Variants in CCDC7 observed in about 807,000 individuals in gnomAD.
CCDC7 encodes the protein coiled-coil domain-containing protein 7.
CCDC7 carries 183 observed loss-of-function variants against 196.9 expected under a neutral mutation model. The ratio of observed to expected loss-of-function variants is 0.93; its 90% CI spans 0.82 to 1.05. CCDC7 has a LOEUF of 1.05. CCDC7 is among the 50% of genes least tolerant of loss of function. The pLI, the probability that CCDC7 is intolerant of heterozygous loss-of-function variation, is 0.00. For synonymous variants in CCDC7, 525 were observed against 484.6 expected, an observed-to-expected ratio of 1.08 and a Z score of -1.10; for missense variants, 1,540 against 1,482.2, an observed-to-expected ratio of 1.04 and a Z score of -0.64.
chr10:32,610,594 C>T (rs1344961493), intron 18 of CCDC7, among the ~76,000 whole-genome samples: 1 of 152,064 alleles, frequency 6.6e-6, no homozygotes, highest in Non-Finnish European at 1.5e-5. Flanking sequence ...CACAACAGGC[C>T]CTGGTTTGTG....
intron 16 of CCDC7, among the ~76,000 whole-genome samples, chr10:32,576,927 T>C (rs996505304): frequency 2.3e-4 from 35 of 152,306 alleles, no homozygotes; most frequent in South Asian, 6.2e-4. Context: ...ACATTCTTAA[T>C]TGGCTTTTTC....
At chr10:32,446,958 C>A (rs1009026285), upstream of CCDC7, among the ~76,000 whole-genome samples, 4 of 142,216 alleles carry the variant, frequency 2.8e-5, no homozygotes, top group Non-Finnish European at 4.7e-5. Context: ...TCCCTCCCTC[C>A]CTCCCTCCCT....
intron 7 of CCDC7, among the ~76,000 whole-genome samples, chr10:32,472,762 AT>A (rs533223630): frequency 1.5e-3 from 216 of 144,350 alleles, no homozygotes; most frequent in East Asian, 0.011. Context: ...AGGCCAGCTG[AT>A]TTTTTTTTTT....
chr10:32,720,679 G>A (rs1438845536), intron 25 of CCDC7, among the ~76,000 whole-genome samples: 1 of 152,088 alleles, frequency 6.6e-6, no homozygotes, highest in African/African-American at 2.4e-5. Flanking sequence ...GCTGTTTGTG[G>A]CATTCAGTGC....
chr10:32,578,275 A>C (rs1254722258), intron 16 of CCDC7, among the ~76,000 whole-genome samples: 1 of 152,070 alleles, frequency 6.6e-6, no homozygotes, highest in East Asian at 1.9e-4. Context: ...TTAAAGCAGC[A>C]GTTTCCTGCC....
At chr10:32,816,955 C>T (rs1275400023) in intron 31 of CCDC7, among the ~76,000 whole-genome samples, 2 of 152,144 alleles carry the variant, frequency 1.3e-5, no homozygotes, top group African/African-American at 4.8e-5. Context: ...GAAAGCAGCT[C>T]CTCACAAGCA....
intron 28 of CCDC7, 36 bp from the exon 30 acceptor site, chr10:32,778,941 T>A: frequency 2.0e-6 from 3 of 1,487,020 alleles, no homozygotes; most frequent in Non-Finnish European, 2.7e-6. Context: ...GTTAGTTTTT[T>A]AAATCAACTA....
At chr10:32,756,604 A>T (rs1046154636) in intron 28 of CCDC7, among the ~76,000 whole-genome samples, 7 of 152,264 alleles carry the variant, frequency 4.6e-5, no homozygotes, top group Non-Finnish European at 8.8e-5. Context: ...TGAAGGAAGC[A>T]CTAAACATGG....
chr10:32,506,025 T>G (rs1244183512), intron 9 of CCDC7, among the ~76,000 whole-genome samples: 11 of 108,044 alleles, frequency 1.0e-4, no homozygotes, highest in South Asian at 7.1e-4. Flanking sequence ...TCACTTCCCA[T>G]TTGGGGCGGC....
At chr10:32,799,351 C>A (rs530574263) in intron 29 of CCDC7, among the ~76,000 whole-genome samples, 1 of 152,190 alleles carries the variant, frequency 6.6e-6, no homozygotes, top group Non-Finnish European at 1.5e-5. Context: ...TGACACTTCA[C>A]GCACCATTGG....
intron 41 of CCDC7, among the ~76,000 whole-genome samples, chr10:32,875,076 A>G (rs1339476376): frequency 1.3e-5 from 2 of 151,810 alleles, no homozygotes; most frequent in East Asian, 1.9e-4. Context: ...ATGTTTTTGT[A>G]TGTTTCATCA....
intron 24 of CCDC7, among the ~76,000 whole-genome samples, chr10:32,708,416 A>G (rs2080193464): frequency 6.6e-6 from 1 of 152,132 alleles, no homozygotes; most frequent in African/African-American, 2.4e-5. Flanking sequence ...CATGGACAAA[A>G]ACTTCATGAC....
At chr10:32,839,854 T>TA (rs2092857518) in intron 33 of CCDC7, among the ~76,000 whole-genome samples, 1 of 152,000 alleles carries the variant, frequency 6.6e-6, no homozygotes, top group Non-Finnish European at 1.5e-5. Context: ...AAAGGAACCC[T>TA]AAAAATCATG....
chr10:32,454,520 C>G (rs1403595773), intron 2 of CCDC7, among the ~76,000 whole-genome samples: 1 of 151,610 alleles, frequency 6.6e-6, no homozygotes, highest in Non-Finnish European at 1.5e-5. Flanking sequence ...CTCAGCATCA[C>G]GCAGTATATC....
intron 18 of CCDC7, among the ~76,000 whole-genome samples, chr10:32,601,979 C>G (rs900927269): frequency 6.6e-6 from 1 of 152,140 alleles, no homozygotes; most frequent in African/African-American, 2.4e-5. Context: ...AAGCTGGCCA[C>G]CCGAGCCAGC....
At position 32,778,549 on chromosome 10, in the gene CCDC7, T is replaced by C. The variant is rs530814138; in HGVS notation, c.2906-428T>C. On this transcript the variant is annotated intron_variant, in intron 28 of 41. Coordinates refer to ENST00000639629, the Ensembl canonical transcript of CCDC7. ...GTTCAGTTGGTCTATGTGTCTGTTT[T>C]TGTACCAGTACAATGCTGTTTTGGT... is the stretch of plus-strand genomic sequence containing the variant. 5.3e-5 allele frequency among the ~76,000 whole-genome samples: 8 copies of C among 152,362 alleles called. No homozygotes were observed. The South Asian group carries it at 1.7e-3, about 32-fold the overall frequency.
At chr10:32,869,717 A>T (rs2094351916) in intron 41 of CCDC7, among the ~76,000 whole-genome samples, 1 of 152,090 alleles carries the variant, frequency 6.6e-6, no homozygotes, top group South Asian at 2.1e-4. Context: ...TTAGGTCTTT[A>T]ATCCATCTTG....
chr10:32,639,729 G>A (rs554910846), intron 20 of CCDC7, among the ~76,000 whole-genome samples: 11 of 150,414 alleles, frequency 7.3e-5, no homozygotes, highest in Non-Finnish European at 1.5e-4. Flanking sequence ...CTGGCTTCAC[G>A]CCATTCTCCT....
At chr10:32,681,392 G>A (rs1395407787) in intron 21 of CCDC7, among the ~76,000 whole-genome samples, 3 of 152,042 alleles carry the variant, frequency 2.0e-5, no homozygotes, top group East Asian at 1.9e-4. Flanking sequence ...CTGGCCAGAC[G>A]CACTGACTGA....
Sources: allele counts gnomAD v4.1 joint callset (sites outside exome capture counted in the v4.1 genomes callset), GRCh38; gene constraint gnomAD v4.1.1; transcripts MANE v1.5; gene names NCBI Gene and HGNC (gene_info 2026-07-23, HGNC 2026-07-21).